LCP2: variants seen among roughly 807,000 people sequenced by gnomAD.
The protein encoded by LCP2 is lymphocyte cytosolic protein 2.
LCP2 carries 29 observed loss-of-function variants against 74.5 expected under a neutral mutation model. The observed-to-expected ratio is 0.39, with a 90% CI of 0.29 to 0.53. The LOEUF (loss-of-function observed/expected upper bound fraction) is 0.53, where lower values mean the gene tolerates loss of function less well. Among genes scored for constraint, LCP2 ranks in the 20% least tolerant of loss-of-function variants. LCP2 has a pLI of 0.72. For missense variants in LCP2, 604 were observed against 634.6 expected (o/e 0.95, Z 0.52); for synonymous variants, 228 against 229.5 (o/e 0.99, Z 0.06).
Position 170,262,960 on chromosome 5 carries a change from A to G in LCP2, c.798+7T>C. On this transcript the variant is annotated splice_region_variant and intron_variant, in intron 11 of 20. Transcript: ENST00000046794. ...AAACACAACCAAAAAACAAGTTCAC[A>G]GCTTACCTTGTCAGAAAATGGTGGT... is the stretch of plus-strand genomic sequence containing the variant. The G allele has an allele frequency of 1.2e-6, 2 of 1,614,084 alleles. No homozygotes were observed. The highest frequency in any genetic ancestry group is 1.7e-6 in the Non-Finnish European group (2 of 1,179,896).
intron 3 of LCP2, among the ~76,000 whole-genome samples, chr5:170,282,538 C>T (rs1369138855): frequency 6.6e-6 from 1 of 152,180 alleles, no homozygotes; most frequent in Non-Finnish European, 1.5e-5. Flanking sequence ...CCTGGATCTC[C>T]CTCACTCCAA....
At chr5:170,266,072 G>T (rs1761749223) in intron 10 of LCP2, among the ~76,000 whole-genome samples, 1 of 152,212 alleles carries the variant, frequency 6.6e-6, no homozygotes, top group Non-Finnish European at 1.5e-5. Context: ...TTGCTGTGAG[G>T]ATTAGAGATA....
At chr5:170,267,127 C>A (rs150173582) in intron 8 of LCP2, 52 bp from the exon 9 acceptor site, 701 of 1,572,250 alleles carry the variant, frequency 4.5e-4, no homozygotes, top group Non-Finnish European at 5.8e-4. Flanking sequence ...CAGCAAGAGC[C>A]GGCACTCCCA....
chr5:170,266,696 T>C lies in LCP2; in HGVS notation c.772+112A>G, dbSNP rs559982207. 106 of 908,040 alleles carry C rather than the reference T, an allele frequency of 1.2e-4. 1 individual carries two copies. The South Asian group carries it at 1.4e-3, about 12-fold the overall frequency. The allele number at this position is 908,040 out of a possible 1,614,324, so 56.2% of individuals were successfully genotyped here. ...TGAGGATGATTCTACTAGTCTCCAC[T>C]TCCTAGTATTGTGGCCATAGTTAAA... On this transcript the variant is annotated intron_variant, in intron 10 of 20. Coordinates refer to ENST00000046794, the MANE Select transcript of LCP2 (RefSeq NM_005565.5).
intron 3 of LCP2, among the ~76,000 whole-genome samples, chr5:170,281,339 C>G (rs568552615): frequency 2.2e-4 from 33 of 152,014 alleles, no homozygotes; most frequent in African/African-American, 2.4e-4. Context: ...GAGTGCAGTG[C>G]CACGATCTTG....
At chr5:170,260,262 G>A (rs1475998720) in intron 14 of LCP2, among the ~76,000 whole-genome samples, 1 of 152,188 alleles carries the variant, frequency 6.6e-6, no homozygotes, top group Non-Finnish European at 1.5e-5. Flanking sequence ...GAGGGGTTGT[G>A]AGTGTGCCTG....
intron 3 of LCP2, among the ~76,000 whole-genome samples, chr5:170,277,832 T>G (rs962537050): frequency 4.6e-5 from 7 of 151,168 alleles, no homozygotes; most frequent in African/African-American, 1.7e-4. Context: ...ATAAACACAC[T>G]GGTACTTAAG....
chr5:170,250,819 A>C lies in LCP2; in HGVS notation c.1390T>G (p.Leu464Val). The C allele has an allele frequency of 6.2e-7, 1 of 1,612,894 alleles. No homozygotes were observed. Among genetic ancestry groups the C allele is most frequent in the Non-Finnish European group, 8.5e-7 (1 of 1,178,884 alleles). Residue 464 changes from leucine to valine, a missense_variant, in exon 20 of 21, where the codon TTG becomes GTG. Transcript: ENST00000046794. ...ATGTTGTAAACTTTATCTTTGTACAACACCATGAGGACATATGGATTGGTT... is the reference window on the plus strand; with the variant it reads ...ATGTTGTAAACTTTATCTTTGTACACCACCATGAGGACATATGGATTGGTT... ...TTTNPYVLMVLYKDKVYNIQI... is the reference protein window; with the variant it reads ...TTTNPYVLMVVYKDKVYNIQI...
intron 3 of LCP2, among the ~76,000 whole-genome samples, chr5:170,281,913 A>C (rs1762112599): frequency 6.6e-6 from 1 of 152,228 alleles, no homozygotes; most frequent in Non-Finnish European, 1.5e-5. Flanking sequence ...TATAAAACTT[A>C]TAACATCCCA....
intron 3 of LCP2, among the ~76,000 whole-genome samples, chr5:170,285,788 TTG>T (rs1762173714): frequency 6.6e-6 from 1 of 152,148 alleles, no homozygotes; most frequent in Admixed American, 6.5e-5. Context: ...GATCTGTGCT[TTG>T]CTAAAGAGGG....
At chr5:170,286,738 C>T (rs1762189160) in intron 3 of LCP2, among the ~76,000 whole-genome samples, 1 of 152,184 alleles carries the variant, frequency 6.6e-6, no homozygotes, top group South Asian at 2.1e-4. Context: ...AAGGGAAACC[C>T]TATAGTCATG....
At position 170,270,911 on chromosome 5, in the gene LCP2, C is replaced by T; in HGVS notation, c.331G>A (p.Asp111Asn). 6.2e-7 allele frequency: 1 copy of T among 1,611,884 alleles called. No homozygotes were observed. The stretch of plus-strand genomic sequence containing the variant: ...TCATCATTGGGACTTTCATAATCGT[C>T]TTCTTCCTGCCCACACAGTGATAGG... Reference protein sequence around the residue: ...DNGGWSSFEEDDYESPNDDQD... With the variant: ...DNGGWSSFEENDYESPNDDQD... Residue 111 changes from aspartate to asparagine, a missense_variant, in exon 7 of 21, where the codon GAC becomes AAC. Physicochemically the swap from Asp to Asn is conservative, Grantham distance 23. Transcript: ENST00000046794.
intron 6 of LCP2, chr5:170,273,730 C>A: frequency 6.4e-6 from 1 of 155,540 alleles, no homozygotes; most frequent in Admixed American, 6.3e-5. Context: ...GTTGTACAAT[C>A]CGTCAGACTC....
chr5:170,258,373 A>C, intron 15 of LCP2: 1 of 511,002 alleles, frequency 2.0e-6, no homozygotes, highest in Non-Finnish European at 3.5e-6. Flanking sequence ...CCATTTACAA[A>C]GGGGCGCAGA....
rs1761340329 is a variant in LCP2, at chr5:170,248,115, T to C, written c.*582A>G. On this transcript the variant is annotated 3_prime_UTR_variant, in exon 21 of 21. Coordinates refer to ENST00000046794, the MANE Select transcript of LCP2 (RefSeq NM_005565.5). ...AAAAGACTATTTTAATCCCAGAAGT[T>C]ATCTCAACATGCATTTGTCTTTTCA... 1 of 152,356 alleles carries C rather than the reference T, an allele frequency of 6.6e-6. No homozygotes were observed. Among genetic ancestry groups the C allele is most frequent in the Admixed American group, 6.5e-5 (1 of 15,286 alleles). The allele number at this position is 152,356 out of a possible 1,614,324, so 9.4% of individuals were successfully genotyped here.
At chr5:170,254,374 C>G (rs146895670) in intron 17 of LCP2, among the ~76,000 whole-genome samples, 8 of 152,200 alleles carry the variant, frequency 5.3e-5, no homozygotes, top group Non-Finnish European at 1.5e-5. Flanking sequence ...CCTTGTTACA[C>G]CACTGAGGAG....
intron 14 of LCP2, among the ~76,000 whole-genome samples, chr5:170,260,544 A>G (rs1304042391): frequency 6.6e-6 from 1 of 152,190 alleles, no homozygotes; most frequent in Non-Finnish European, 1.5e-5. Context: ...CATTATACTC[A>G]TATGTAAAGC....
chr5:170,261,027 T>C (rs1761639608), intron 14 of LCP2, 80 bp downstream of exon 14: 2 of 1,067,754 alleles, frequency 1.9e-6, no homozygotes, highest in Middle Eastern at 2.0e-4. Flanking sequence ...AAGGCCAAGG[T>C]GGATGGAGTC....
intron 8 of LCP2, 101 bp from the exon 9 acceptor site, chr5:170,267,176 G>A: frequency 8.5e-7 from 1 of 1,169,620 alleles, no homozygotes; most frequent in Non-Finnish European, 1.3e-6. Flanking sequence ...TCATCTTCAT[G>A]TTCTGCCTAC....
Sources: allele counts gnomAD v4.1 joint callset (sites outside exome capture counted in the v4.1 genomes callset), GRCh38; gene constraint gnomAD v4.1.1; transcripts MANE v1.5; gene names NCBI Gene and HGNC (gene_info 2026-07-23, HGNC 2026-07-21).